TJP3: variants seen among roughly 807,000 people sequenced by gnomAD.
The protein encoded by TJP3 is tight junction protein 3, also known as tight junction protein ZO-3.
TJP3 carries 85 observed loss-of-function variants against 104.2 expected under a neutral mutation model. That is an observed-to-expected ratio of 0.82 (90% CI 0.68 to 0.98). The LOEUF (loss-of-function observed/expected upper bound fraction) is 0.98. TJP3 is among the 50% of genes least tolerant of loss of function. The probability of loss-of-function intolerance (pLI) is 0.00; values close to 1 mark genes in which losing one functional copy is unlikely to be tolerated. For missense variants in TJP3, 1,367 were observed against 1,322.8 expected (o/e 1.03, Z -0.52); for synonymous variants, 550 against 550.6 (o/e 1.00, Z 0.02).
At chr19:3,732,388 C>T (rs1343008965) in intron 6 of TJP3, among the ~76,000 whole-genome samples, 1 of 152,148 alleles carries the variant, frequency 6.6e-6, no homozygotes, top group Non-Finnish European at 1.5e-5. Flanking sequence ...GGGAGCTGCC[C>T]TGCCCTAAAG....
rs755554749 is a variant in TJP3, at chr19:3,744,079, C to T, written c.1939+45C>T. ...GGAAACCTCGTTGGTGAAATAGTTT[C>T]ACAACTGTTTTTTTGTGGGGGGTCG... On this transcript the variant is annotated intron_variant, in intron 15 of 20. Transcript: ENST00000541714. 11 of 1,577,568 alleles carry T rather than the reference C, an allele frequency of 7.0e-6. No individual in the cohort carries two copies. The South Asian group carries it at 1.2e-4, about 17-fold the overall frequency.
chr19:3,733,793 C>A lies in TJP3; in HGVS notation c.758C>A (p.Thr253Asn). ...VSSQNLSLND[T>N]RRLIEKSEGK... ...AGCCAGAACCTGTCACTGAACGACACCCGGCGACTGATTGAGAAGTCAGAA... is the reference window on the plus strand; with the variant it reads ...AGCCAGAACCTGTCACTGAACGACAACCGGCGACTGATTGAGAAGTCAGAA... The change falls in exon 7 of 21, where the codon ACC becomes AAC. Residue 253 changes from threonine to asparagine, a missense_variant. Physicochemically the swap from Thr to Asn is moderately conservative, Grantham distance 65. Transcript: ENST00000541714. 1 of 1,614,196 alleles carries A rather than the reference C, an allele frequency of 6.2e-7. No individual in the cohort carries two copies. The highest frequency in any genetic ancestry group is 8.5e-7 in the Non-Finnish European group (1 of 1,180,036).
intron 1 of TJP3, among the ~76,000 whole-genome samples, chr19:3,714,414 G>A (rs1376987318): frequency 6.6e-6 from 1 of 151,116 alleles, no homozygotes; most frequent in East Asian, 2.0e-4. Flanking sequence ...TCCCGACCTC[G>A]TGATCCACCC....
At chr19:3,740,817 G>A (rs977474475) in intron 14 of TJP3, 54 bp downstream of exon 14, 33 of 1,444,202 alleles carry the variant, frequency 2.3e-5, no homozygotes, top group Non-Finnish European at 2.8e-5. Context: ...AGCTCCTGGT[G>A]CACCTGTTCA....
chr19:3,746,358 C>T lies in TJP3; in HGVS notation c.2011-127C>T. The T allele has an allele frequency of 2.8e-6, 3 of 1,071,680 alleles. No homozygotes were observed. Among genetic ancestry groups the T allele is most frequent in the Non-Finnish European group, 4.0e-6 (3 of 745,260 alleles). 66.4% of individuals were successfully genotyped at this position (1,071,680 alleles called of 1,614,324 possible). On this transcript the variant is annotated intron_variant, in intron 16 of 20. Coordinates refer to ENST00000541714, the MANE Select transcript of TJP3 (RefSeq NM_001267560.2). This position sits in a 1 kb window ranked among gnomAD's most constrained non-coding sequence, Gnocchi z 4.1. ...GGGCTGTTACCACCCCCATCCCCAACTTGCTAGCCTGTGGATGTGAGAGGC... is the reference window on the plus strand; with the variant it reads ...GGGCTGTTACCACCCCCATCCCCAATTTGCTAGCCTGTGGATGTGAGAGGC...
chr19:3,735,735 A>AAGTGGTGAGACATGGTTTCCTG, intron 9 of TJP3, 96 bp downstream of exon 9: 1 of 1,586,562 alleles, frequency 6.3e-7, no homozygotes, highest in Non-Finnish European at 8.7e-7. Context: ...GCCTGAGCCT[A>AAGTGGTGAGACATGGTTTCCTG]AGTGGTGAGA....
At chr19:3,738,758 C>A in intron 12 of TJP3, 95 bp downstream of exon 12, 1 of 1,328,686 alleles carries the variant, frequency 7.5e-7, no homozygotes, top group Non-Finnish European at 1.1e-6. Flanking sequence ...GTTGAATCTG[C>A]ATCTCTGCAC....
intron 14 of TJP3, among the ~76,000 whole-genome samples, chr19:3,743,051 G>A (rs1012135939): frequency 6.6e-6 from 1 of 151,570 alleles, no homozygotes; most frequent in Admixed American, 6.6e-5. Context: ...GGATCACGAG[G>A]TCAGGAGTTC....
At position 3,711,053 on chromosome 19, in the gene TJP3, G is replaced by A. The variant is rs921613667; in HGVS notation, c.-10+2492G>A. Among the ~76,000 whole-genome samples, 90 of 105,018 alleles carry A rather than the reference G, an allele frequency of 8.6e-4. 6 individuals carry two copies. Among genetic ancestry groups the A allele is most frequent in the African/African-American group, 2.8e-3 (82 of 28,784 alleles). 68.9% of individuals were successfully genotyped at this position (105,018 alleles called of 152,430 possible). ...CGAGTAGCTGGGACTACAGGCGCCC[G>A]CCACCACACCCGGCTAATTTTTTGT... On this transcript the variant is annotated intron_variant, in intron 1 of 20. Transcript: ENST00000541714.
chr19:3,749,972 CA>C (rs2036968151), intron 19 of TJP3, among the ~76,000 whole-genome samples, 165 bp from the exon 20 acceptor site: 2 of 152,138 alleles, frequency 1.3e-5, no homozygotes, highest in Non-Finnish European at 2.9e-5. Context: ...ATCCCAGCCT[CA>C]GTTTTCTCAT....
chr19:3,729,886 T>C (rs184340016), intron 3 of TJP3, 142 bp from the exon 4 acceptor site: 1 of 659,354 alleles, frequency 1.5e-6, no homozygotes, highest in Non-Finnish European at 2.7e-6. Context: ...GATAAATGTC[T>C]TTGTGAACCT....
chr19:3,712,477 T>G (rs953715447), intron 1 of TJP3, among the ~76,000 whole-genome samples: 4 of 152,090 alleles, frequency 2.6e-5, no homozygotes, highest in Non-Finnish European at 4.4e-5. Flanking sequence ...AGGGGATCCT[T>G]AGTGGCAGAT....
At chr19:3,713,596 T>C (rs76974483) in intron 1 of TJP3, among the ~76,000 whole-genome samples, 1,979 of 152,332 alleles carry the variant, frequency 0.013, 44 homozygotes, top group African/African-American at 0.046. Flanking sequence ...GATGTTGACT[T>C]CTTGGTTTTG....
intron 1 of TJP3, among the ~76,000 whole-genome samples, chr19:3,708,979 C>T (rs1261056131): frequency 6.6e-6 from 1 of 152,104 alleles, no homozygotes; most frequent in Non-Finnish European, 1.5e-5. Flanking sequence ...CCTCACTCAT[C>T]TCTGAGCCTC....
intron 1 of TJP3, among the ~76,000 whole-genome samples, chr19:3,713,908 G>A (rs2036454609): frequency 6.9e-6 from 1 of 145,916 alleles, no homozygotes; most frequent in African/African-American, 2.5e-5. Flanking sequence ...TGTATTTTTA[G>A]TAGAGACGGA....
chr19:3,721,757 G>C (rs913391700), intron 1 of TJP3: 6 of 412,542 alleles, frequency 1.5e-5, no homozygotes, highest in African/African-American at 1.2e-4. Flanking sequence ...TGCGGAGCTG[G>C]AGGGAGGAGG....
intron 1 of TJP3, among the ~76,000 whole-genome samples, chr19:3,718,011 T>G (rs560777044): frequency 6.6e-6 from 1 of 151,254 alleles, no homozygotes; most frequent in Non-Finnish European, 1.5e-5. Context: ...GTCAGGAGTT[T>G]GAGACCATCC....
In TJP3 at chr19:3,730,246, C is replaced by G. The variant is rs1454858389; in HGVS notation, c.262-109C>G. 3 of 1,486,514 alleles carry G rather than the reference C, an allele frequency of 2.0e-6. No homozygotes were observed. Among genetic ancestry groups the G allele is most frequent in the Non-Finnish European group, 2.8e-6 (3 of 1,084,606 alleles). 92.1% of individuals were successfully genotyped at this position (1,486,514 alleles called of 1,614,324 possible). A position where few individuals can be genotyped will look rare whatever the true frequency, so the allele number is the denominator to read the frequency against. ...TCATCTTCTCATCTTACAGTTTGGA[C>G]ATTGAGGCCCAGAGAGAGACTGGTG... On this transcript the variant is annotated intron_variant, in intron 4 of 20. Coordinates refer to ENST00000541714, the MANE Select transcript of TJP3 (RefSeq NM_001267560.2). This position sits in a 1 kb window ranked among gnomAD's most constrained non-coding sequence, Gnocchi z 7.3.
Position 3,741,999 on chromosome 19 carries a change from G to C in TJP3, c.1843+1236G>C, listed in dbSNP as rs370689140. 5.0e-4 allele frequency among the ~76,000 whole-genome samples: 76 copies of C among 152,070 alleles called. No individual in the cohort carries two copies. In the East Asian group the frequency reaches 0.012, roughly 25 times the overall value. On this transcript the variant is annotated intron_variant, in intron 14 of 20. Coordinates refer to ENST00000541714, the MANE Select transcript of TJP3 (RefSeq NM_001267560.2). ...AAAAACAAAAAAACAAAAAAATTTT[G>C]GGTTATTTTAGGGGACAGAAGGACA...
Sources: allele counts gnomAD v4.1 joint callset (sites outside exome capture counted in the v4.1 genomes callset), GRCh38; gene constraint gnomAD v4.1.1; non-coding constraint Gnocchi (gnomAD v3.1); transcripts MANE v1.5; gene names NCBI Gene and HGNC (gene_info 2026-07-23, HGNC 2026-07-21).